The following NOD1 variants were observed in gnomAD, a reference collection of about 807,000 sequenced individuals.
NOD1 encodes the protein nucleotide binding oligomerization domain containing 1, also known as nucleotide-binding oligomerization domain-containing protein 1.
NOD1 carries 70 observed loss-of-function variants against 81.2 expected under a neutral mutation model. The ratio of observed to expected loss-of-function variants is 0.86; its 90% CI spans 0.71 to 1.05. The LOEUF (loss-of-function observed/expected upper bound fraction) is 1.05. Ranked by LOEUF, NOD1 falls within the 50% of genes least tolerant of loss-of-function variation. NOD1 has a pLI of 0.00. For synonymous variants in NOD1, 508 were observed against 526.9 expected (o/e 0.96, Z 0.49); for missense variants, 1,233 against 1,228.0 (o/e 1.00, Z -0.06).
At chr7:30,426,389 A>G (rs1333229513) in intron 13 of NOD1, among the ~76,000 whole-genome samples, 2 of 150,940 alleles carry the variant, frequency 1.3e-5, no homozygotes, top group African/African-American at 2.4e-5. Context: ...TGTTCCTTGT[A>G]TCACAAAGTT....
chr7:30,476,406 G>A (rs900425066), intron 1 of NOD1, among the ~76,000 whole-genome samples: 9 of 152,208 alleles, frequency 5.9e-5, no homozygotes, highest in African/African-American at 1.7e-4. Context: ...TTCCAGCTGG[G>A]ACGCAGGCAT....
At position 30,451,466 on chromosome 7, in the gene NOD1, T is replaced by C; in HGVS notation, c.1951A>G (p.Thr651Ala). The part of the protein sequence containing the change: ...ESFNQVQAMP[T>A]FIWMLRCIYE... ...ATGCAGCGCAGCATCCAGATGAACG[T>C]GGGCATGGCCTGCACCTGGTTGAAG... The change falls in exon 6 of 14, where the codon ACG becomes GCG. Residue 651 changes from threonine (T) to alanine (A), a missense_variant. By Grantham distance (58) the Thr-to-Ala change is moderately conservative (BLOSUM62 0). Transcript: ENST00000222823. This position sits in a 1 kb window ranked among gnomAD's most constrained non-coding sequence, Gnocchi z 4.2. 1 of 1,613,526 alleles carries C rather than the reference T, an allele frequency of 6.2e-7. No homozygotes were observed.
chr7:30,470,834 T>C (rs1788199119), intron 1 of NOD1, among the ~76,000 whole-genome samples: 1 of 152,136 alleles, frequency 6.6e-6, no homozygotes, highest in African/African-American at 2.4e-5. Flanking sequence ...CAACAGAGCC[T>C]TGAAGTGGAA....
intron 1 of NOD1, chr7:30,468,702 G>A (rs1185586515): frequency 6.7e-6 from 3 of 447,578 alleles, no homozygotes; most frequent in African/African-American, 6.4e-5. Flanking sequence ...GTCAATTAGA[G>A]TGGGCTCCAC....
intron 3 of NOD1, among the ~76,000 whole-genome samples, chr7:30,458,316 T>C (rs1263650153): frequency 6.6e-6 from 1 of 152,208 alleles, no homozygotes; most frequent in African/African-American, 2.4e-5. Context: ...AGGCCTGGAA[T>C]TGGCCACTTT....
Position 30,467,637 on chromosome 7 carries a change from G to A in NOD1, c.-351-7596C>T, listed in dbSNP as rs1467998684. 6.6e-6 allele frequency among the ~76,000 whole-genome samples: 1 copy of A among 152,218 alleles called. No homozygotes were observed. The highest frequency in any genetic ancestry group is 1.5e-5 in the Non-Finnish European group (1 of 68,040). ...AAAAAGCTCTTCCTGTTTTGTGAAA[G>A]TATCACAATAAATCTGATGGGATTG... On this transcript the variant is annotated intron_variant, in intron 1 of 13. Coordinates refer to ENST00000222823, the MANE Select transcript of NOD1 (RefSeq NM_006092.4). The surrounding 1 kb of genome is among the most constrained non-coding windows in gnomAD (Gnocchi z 4.5).
At chr7:30,472,244 T>G (rs933742765) in intron 1 of NOD1, among the ~76,000 whole-genome samples, 2 of 152,180 alleles carry the variant, frequency 1.3e-5, no homozygotes, top group African/African-American at 4.8e-5. Flanking sequence ...GTCTCATTAT[T>G]TAGCTCTGTA....
chr7:30,431,688 C>G (rs763899968), intron 12 of NOD1, among the ~76,000 whole-genome samples: 8 of 152,100 alleles, frequency 5.3e-5, no homozygotes, highest in Non-Finnish European at 1.2e-4. Context: ...ACAACTATAA[C>G]GCTTAACAGA....
intron 11 of NOD1, among the ~76,000 whole-genome samples, chr7:30,433,754 A>G (rs1287671081): frequency 6.6e-6 from 1 of 152,204 alleles, no homozygotes; most frequent in Admixed American, 6.5e-5. Context: ...GGTAGGACCC[A>G]CTTGTGCCAG....
rs149867784 is a variant in NOD1, at chr7:30,467,564, A to G, written c.-351-7523T>C. ...CTAAACGATGGTTCATTAAGACCAA[A>G]CAAACTCAGATGAGATGTTAAGACT... On this transcript the variant is annotated intron_variant, in intron 1 of 13. Coordinates refer to ENST00000222823, the MANE Select transcript of NOD1 (RefSeq NM_006092.4). This position sits in a 1 kb window ranked among gnomAD's most constrained non-coding sequence, Gnocchi z 4.5. Among the ~76,000 whole-genome samples, 9 of 152,350 alleles carry G rather than the reference A, an allele frequency of 5.9e-5. No individual in the cohort carries two copies. The highest frequency in any genetic ancestry group is 1.3e-4 in the Admixed American group (2 of 15,298).
chr7:30,452,753 C>G lies in NOD1; in HGVS notation c.664G>C (p.Gly222Arg), dbSNP rs1487540214. 6.2e-7 allele frequency: 1 copy of G among 1,614,088 alleles called. No homozygotes were observed. Among genetic ancestry groups the G allele is most frequent in the Admixed American group, 1.7e-5 (1 of 60,036 alleles). The change falls in exon 6 of 14, where the codon GGC becomes CGC. Residue 222 changes from glycine (G) to arginine (R), a missense_variant. Transcript: ENST00000222823. ...AATTTGACCCCTGCGTCTAGCCGGC[C>G]CGTGGCCCAGAGGCTCTGCAGCCGC... is the stretch of plus-strand genomic sequence containing the variant. The part of the protein sequence containing the change: ...LQRLQSLWAT[G>R]RLDAGVKFFF...
chr7:30,439,330 TTCC>T (rs1784670151), intron 9 of NOD1, among the ~76,000 whole-genome samples: 1 of 140,550 alleles, frequency 7.1e-6, no homozygotes, highest in African/African-American at 3.2e-5. Flanking sequence ...ATTTCTGCAT[TTCC>T]ATCTGAGGTA....
At chr7:30,446,559 G>A (rs1276123122) in intron 8 of NOD1, 7 of 409,236 alleles carry the variant, frequency 1.7e-5, no homozygotes, top group African/African-American at 1.0e-4. Context: ...AAGGGTCAAG[G>A]TATGTGGCCA....
In NOD1 at chr7:30,452,493, G is replaced by A; in HGVS notation, c.924C>T (p.Ala308=). The A allele has an allele frequency of 6.2e-7, 1 of 1,613,238 alleles. No individual in the cohort carries two copies. Among genetic ancestry groups the A allele is most frequent in the Non-Finnish European group, 8.5e-7 (1 of 1,179,956 alleles). The change falls in exon 6 of 14, where the codon GCC becomes GCT. Residue 308 remains alanine, a synonymous_variant. Coordinates refer to ENST00000222823, the MANE Select transcript of NOD1 (RefSeq NM_006092.4). ...VPDSSCPWEP[A]HPLVLLANLL... Reference sequence around the variant, plus strand: ...GGTTGGCCAGCAAGACCAGGGGGTGGGCAGGCTCCCAGGGGCAGGAGCTGT... The same window carrying A: ...GGTTGGCCAGCAAGACCAGGGGGTGAGCAGGCTCCCAGGGGCAGGAGCTGT...
intron 1 of NOD1, among the ~76,000 whole-genome samples, chr7:30,461,295 C>T (rs995523816): frequency 1.8e-4 from 27 of 151,940 alleles, no homozygotes; most frequent in African/African-American, 6.0e-4. Flanking sequence ...CTCCTGCCTC[C>T]GCCTCCTAAG....
chr7:30,452,863 T>A lies in NOD1; in HGVS notation c.554A>T (p.Asp185Val). 2 of 1,614,068 alleles carry A rather than the reference T, an allele frequency of 1.2e-6. No homozygotes were observed. The highest frequency in any genetic ancestry group is 1.7e-6 in the Non-Finnish European group (2 of 1,180,016). The change falls in exon 6 of 14, where the codon GAC becomes GTC. Residue 185 changes from aspartate (D) to valine (V), a missense_variant. Coordinates refer to ENST00000222823, the MANE Select transcript of NOD1 (RefSeq NM_006092.4). ...GSLNSLACLL[D>V]HTTGILNEQG... is the part of the protein sequence containing the mutation. ...CTCATTGAGGATGCCGGTGGTGTGGTCCAGGAGGCAGGCCAGGCTGTTCAG... is the reference window on the plus strand; with the variant it reads ...CTCATTGAGGATGCCGGTGGTGTGGACCAGGAGGCAGGCCAGGCTGTTCAG...
At chr7:30,453,203 C>T (rs376639160) in intron 5 of NOD1, among the ~76,000 whole-genome samples, 163 bp from the exon 6 acceptor site, 2 of 152,116 alleles carry the variant, frequency 1.3e-5, no homozygotes, top group Non-Finnish European at 2.9e-5. Flanking sequence ...ACCTGGGGAG[C>T]GTCACAGAGC....
intron 13 of NOD1, 68 bp downstream of exon 13, chr7:30,429,306 T>G (rs774897366): frequency 1.7e-5 from 23 of 1,342,252 alleles, no homozygotes; most frequent in Non-Finnish European, 2.5e-5. Flanking sequence ...GCGTTGTGCC[T>G]TGCACAGTCA....
Position 30,425,212 on chromosome 7 carries a change from G to A in NOD1, c.*426C>T, listed in dbSNP as rs1380913015. The A allele has an allele frequency of 2.1e-5, 4 of 190,572 alleles. No individual in the cohort carries two copies. Among genetic ancestry groups the A allele is most frequent in the Non-Finnish European group, 3.3e-5 (3 of 91,222 alleles). 11.8% of individuals were successfully genotyped at this position (190,572 alleles called of 1,614,324 possible). A position where few individuals can be genotyped will look rare whatever the true frequency, so the allele number is the denominator to read the frequency against. Reference sequence around the variant, plus strand: ...AAACACGTTTTATTCAAGAAGCTTGGCACCAACTTTGTGCCACATCCTCAA... The same window carrying A: ...AAACACGTTTTATTCAAGAAGCTTGACACCAACTTTGTGCCACATCCTCAA... On this transcript the variant is annotated 3_prime_UTR_variant, in exon 14 of 14. Coordinates refer to ENST00000222823, the MANE Select transcript of NOD1 (RefSeq NM_006092.4).
Sources: allele counts gnomAD v4.1 joint callset (sites outside exome capture counted in the v4.1 genomes callset), GRCh38; gene constraint gnomAD v4.1.1; non-coding constraint Gnocchi (gnomAD v3.1); transcripts MANE v1.5; gene names NCBI Gene and HGNC (gene_info 2026-07-23, HGNC 2026-07-21).